COX6C: variants seen among roughly 807,000 people sequenced by gnomAD.
The protein encoded by COX6C is cytochrome c oxidase subunit 6C, also known as cytochrome c oxidase polypeptide VIc.
In COX6C, 3 loss-of-function variants were observed where a neutral mutation model predicts 6.9. That is an observed-to-expected ratio of 0.43 (90% CI 0.20 to 1.12). The LOEUF (loss-of-function observed/expected upper bound fraction) is 1.12, where lower values mean the gene tolerates loss of function less well. Among genes scored for constraint, COX6C ranks in the 50% most tolerant of loss-of-function variants. The probability of loss-of-function intolerance (pLI) is 0.27; values close to 1 mark genes in which losing one functional copy is unlikely to be tolerated. For missense variants in COX6C, 101 were observed against 97.3 expected, an observed-to-expected ratio of 1.04 and a Z score of -0.16; for synonymous variants, 32 against 32.0, an observed-to-expected ratio of 1.00 and a Z score of 0.00.
At chr8:99,887,736 C>T in intron 2 of COX6C, 118 bp from the exon 3 acceptor site, 1 of 613,144 alleles carries the variant, frequency 1.6e-6, no homozygotes, top group Non-Finnish European at 2.6e-6. Context: ...AATTTAAACC[C>T]TACATTTCCT....
chr8:99,890,068 T>C (rs1818010849), intron 2 of COX6C, among the ~76,000 whole-genome samples: 1 of 151,314 alleles, frequency 6.6e-6, no homozygotes, highest in African/African-American at 2.4e-5. Flanking sequence ...CACTCCAGCA[T>C]GGGCAACAGA....
intron 2 of COX6C, among the ~76,000 whole-genome samples, chr8:99,889,266 A>G (rs2131009797): frequency 6.6e-6 from 1 of 151,684 alleles, no homozygotes; most frequent in Admixed American, 6.6e-5. Context: ...TCAGTGTTCC[A>G]TCTCCTCTTT....
chr8:99,884,861 G>T (rs1055489845), intron 3 of COX6C, among the ~76,000 whole-genome samples: 1 of 152,102 alleles, frequency 6.6e-6, no homozygotes, highest in Non-Finnish European at 1.5e-5. Flanking sequence ...CAAATAAGAG[G>T]AAAGACATCC....
chr8:99,881,018 A>C (rs1817853880), intron 3 of COX6C, among the ~76,000 whole-genome samples: 1 of 152,206 alleles, frequency 6.6e-6, no homozygotes, highest in South Asian at 2.1e-4. Flanking sequence ...ACTCAAAGCC[A>C]TGTGAAAATA....
chr8:99,883,510 C>T (rs1817900799), intron 3 of COX6C, among the ~76,000 whole-genome samples: 1 of 149,116 alleles, frequency 6.7e-6, no homozygotes, highest in South Asian at 2.1e-4. Flanking sequence ...CCATGTTGCA[C>T]AGGCTGATCT....
At chr8:99,885,322 T>C (rs750432599) in intron 3 of COX6C, among the ~76,000 whole-genome samples, 6 of 152,224 alleles carry the variant, frequency 3.9e-5, no homozygotes, top group Non-Finnish European at 8.8e-5. Flanking sequence ...AACGTCATCA[T>C]AGGTATGTAC....
In COX6C at chr8:99,892,335, C is replaced by G. The variant is rs190898130; in HGVS notation, c.-31-283G>C. Among the ~76,000 whole-genome samples, 4 of 152,246 alleles carry G rather than the reference C, an allele frequency of 2.6e-5. No individual in the cohort carries two copies. In the East Asian group the frequency reaches 7.7e-4, roughly 29 times the overall value. On this transcript the variant is annotated intron_variant, in intron 1 of 3. Coordinates refer to ENST00000520468, the MANE Select transcript of COX6C (RefSeq NM_004374.4). ...GAAAAAATGAGAGGCAATTCCTAAA[C>G]TGTTTATCAAAAATTTACATTAAAA...
chr8:99,883,429 A>ATATG lies in COX6C; in HGVS notation c.*15+4060_*15+4061insCATA, dbSNP rs1554593054. On this transcript the variant is annotated intron_variant, in intron 3 of 3. Coordinates refer to ENST00000520468, the MANE Select transcript of COX6C (RefSeq NM_004374.4). ...TATATATATGTGTGTGTGTGTATAT[A>ATATG]TGTATGTGTGTGTGTGTGTGTGTGT... Among the ~76,000 whole-genome samples, 82 of 145,846 alleles carry ATATG rather than the reference A, an allele frequency of 5.6e-4. 1 individual carries two copies. Among genetic ancestry groups the ATATG allele is most frequent in the African/African-American group, 2.0e-3 (77 of 37,676 alleles).
intron 2 of COX6C, among the ~76,000 whole-genome samples, chr8:99,888,925 C>T (rs1817988951): frequency 6.6e-6 from 1 of 152,192 alleles, no homozygotes; most frequent in Non-Finnish European, 1.5e-5. Context: ...TGTGTGGTAG[C>T]CTAGTATTCA....
At position 99,877,932 on chromosome 8, in the gene COX6C, A is replaced by C. The variant is rs994043091; in HGVS notation, c.*349T>G. 3 of 152,222 alleles carry C rather than the reference A, an allele frequency of 2.0e-5. No individual in the cohort carries two copies. Among genetic ancestry groups the C allele is most frequent in the Non-Finnish European group, 4.4e-5 (3 of 68,038 alleles). 9.4% of individuals were successfully genotyped at this position (152,222 alleles called of 1,614,324 possible). On this transcript the variant is annotated 3_prime_UTR_variant, in exon 4 of 4. Coordinates refer to ENST00000520468, the MANE Select transcript of COX6C (RefSeq NM_004374.4). ...AGAGCCCACAGTACAGTAGTCTTAC[A>C]GGCTCATGAAGAACACTTTTTAATC...
chr8:99,892,677 T>C (rs866950466), intron 1 of COX6C, among the ~76,000 whole-genome samples: 1 of 150,994 alleles, frequency 6.6e-6, no homozygotes, highest in African/African-American at 2.4e-5. Flanking sequence ...CTGTTTCATC[T>C]TCCCCCCGCC....
At position 99,893,649 on chromosome 8, in the gene COX6C, A is replaced by G. The variant is rs1217377905; in HGVS notation, c.-42T>C. The G allele has an allele frequency of 6.6e-6, 1 of 152,214 alleles. No homozygotes were observed. Among genetic ancestry groups the G allele is most frequent in the South Asian group, 2.1e-4 (1 of 4,824 alleles). 9.4% of individuals were successfully genotyped at this position (152,214 alleles called of 1,614,324 possible). A position where few individuals can be genotyped will look rare whatever the true frequency, so the allele number is the denominator to read the frequency against. On this transcript the variant is annotated 5_prime_UTR_variant, in exon 1 of 4. Transcript: ENST00000520468. ...AGGGACCGGACTCACCTCAACACCA[A>G]CGTCCTTCCTGACTAAAGGAAAAAC... is the stretch of plus-strand genomic sequence containing the variant.
At chr8:99,892,197 G>A (rs563498993) in intron 1 of COX6C, 145 bp from the exon 2 acceptor site, 145 of 580,798 alleles carry the variant, frequency 2.5e-4, no homozygotes, top group Middle Eastern at 4.6e-4. Flanking sequence ...TTCTTTTTTG[G>A]CAGAAACAGG....
At chr8:99,886,842 T>C (rs1817948854) in intron 3 of COX6C, among the ~76,000 whole-genome samples, 1 of 152,014 alleles carries the variant, frequency 6.6e-6, no homozygotes, top group South Asian at 2.1e-4. Context: ...AGGGTCTGAG[T>C]GGAGGTGTGA....
intron 3 of COX6C, among the ~76,000 whole-genome samples, chr8:99,879,789 G>A (rs923162677): frequency 2.6e-5 from 4 of 152,108 alleles, no homozygotes; most frequent in African/African-American, 9.7e-5. Context: ...GCTGCCCAAG[G>A]GACTGCTTTC....
At chr8:99,888,258 A>T (rs1255564453) in intron 2 of COX6C, among the ~76,000 whole-genome samples, 1 of 146,210 alleles carries the variant, frequency 6.8e-6, no homozygotes, top group Non-Finnish European at 1.5e-5. Flanking sequence ...TTGAATTCCC[A>T]ATTTCTTCCC....
chr8:99,880,602 A>G (rs1273144024), intron 3 of COX6C, among the ~76,000 whole-genome samples: 1 of 152,084 alleles, frequency 6.6e-6, no homozygotes, highest in African/African-American at 2.4e-5. Flanking sequence ...CAGGCCGGAC[A>G]TGGTGGCTCA....
chr8:99,879,895 GT>G, intron 3 of COX6C, among the ~76,000 whole-genome samples: 1 of 152,342 alleles, frequency 6.6e-6, no homozygotes, highest in East Asian at 1.9e-4. Context: ...CATGGCATGA[GT>G]GAGCTGCAGG....
rs1254306981 is a variant in COX6C, at chr8:99,887,471, C to T, written c.*15+19G>A. 3 of 1,435,224 alleles carry T rather than the reference C, an allele frequency of 2.1e-6. No individual in the cohort carries two copies. The highest frequency in any genetic ancestry group is 1.5e-5 in the African/African-American group (1 of 67,296). The allele number at this position is 1,435,224 out of a possible 1,614,324, so 88.9% of individuals were successfully genotyped here. On this transcript the variant is annotated intron_variant, in intron 3 of 3. Coordinates refer to ENST00000520468, the MANE Select transcript of COX6C (RefSeq NM_004374.4). ...CAATTAGAAATTTTTTTTTAAGTAA[C>T]TTCAAATAACCATATTACCTTTATA...
Sources: allele counts gnomAD v4.1 joint callset (sites outside exome capture counted in the v4.1 genomes callset), GRCh38; gene constraint gnomAD v4.1.1; transcripts MANE v1.5; gene names NCBI Gene and HGNC (gene_info 2026-07-23, HGNC 2026-07-21).